The following CCDC3 variants were observed in gnomAD, a reference collection of about 807,000 sequenced individuals.
CCDC3 encodes the protein coiled-coil domain-containing protein 3.
CCDC3 carries 24 observed loss-of-function variants against 21.4 expected under a neutral mutation model. The observed-to-expected ratio is 1.12, with a 90% CI of 0.81 to 1.58. CCDC3 has a LOEUF of 1.58. Among genes scored for constraint, CCDC3 ranks in the 40% most tolerant of loss-of-function variants. CCDC3 has a pLI of 0.00. For missense variants in CCDC3, 425 were observed against 360.9 expected (o/e 1.18, Z -1.44); for synonymous variants, 186 against 166.0 (o/e 1.12, Z -0.93).
chr10:13,036,952 T>C (rs758548877), intron 5 of CCDC3, among the ~76,000 whole-genome samples: 6 of 151,930 alleles, frequency 3.9e-5, no homozygotes, highest in Non-Finnish European at 8.8e-5. Flanking sequence ...GCTGATTTTC[T>C]TTGTTTATTT....
intron 5 of CCDC3, among the ~76,000 whole-genome samples, chr10:13,024,356 C>G (rs1398635170): frequency 1.3e-5 from 2 of 152,108 alleles, no homozygotes; most frequent in African/African-American, 4.8e-5. Context: ...CTCTGAAGAA[C>G]TGGTGTTTGC....
chr10:13,041,908 T>A (rs1029628734), intron 5 of CCDC3, among the ~76,000 whole-genome samples: 1 of 152,044 alleles, frequency 6.6e-6, no homozygotes, highest in Admixed American at 6.6e-5. Context: ...ATTACAGGTG[T>A]GAGCCACCGT....
At chr10:12,951,457 G>A (rs1835006837) in intron 2 of CCDC3, among the ~76,000 whole-genome samples, 1 of 152,232 alleles carries the variant, frequency 6.6e-6, no homozygotes, top group African/African-American at 2.4e-5. Flanking sequence ...TCCATCCGGG[G>A]GTCTCTACCA....
intron 5 of CCDC3, among the ~76,000 whole-genome samples, chr10:13,032,625 T>TA (rs1359515516): frequency 1.3e-5 from 2 of 152,222 alleles, no homozygotes; most frequent in Non-Finnish European, 2.9e-5. Flanking sequence ...CTTAAGCGGA[T>TA]AAGCAACTTC....
chr10:13,035,557 C>A (rs577877188), intron 5 of CCDC3, among the ~76,000 whole-genome samples: 167 of 152,290 alleles, frequency 1.1e-3, no homozygotes, highest in African/African-American at 3.8e-3. Flanking sequence ...TAGTTAAGGG[C>A]AAGCTCTGTA....
chr10:12,957,386 G>T (rs766952216), intron 2 of CCDC3, among the ~76,000 whole-genome samples: 68 of 152,186 alleles, frequency 4.5e-4, no homozygotes, highest in Non-Finnish European at 7.8e-4. Flanking sequence ...ACTCGTGTCT[G>T]ATTTTGTTTT....
At chr10:12,979,181 T>A (rs1217945488) in intron 2 of CCDC3, among the ~76,000 whole-genome samples, 1 of 152,112 alleles carries the variant, frequency 6.6e-6, no homozygotes, top group African/African-American at 2.4e-5. Context: ...ACCCTGACAA[T>A]GTCAATTACC....
intron 5 of CCDC3, among the ~76,000 whole-genome samples, chr10:13,046,361 G>C (rs191527411): frequency 6.6e-5 from 10 of 150,832 alleles, no homozygotes; most frequent in African/African-American, 1.5e-4. Flanking sequence ...AGCCGTGATC[G>C]CGTCACTTCA....
At chr10:12,995,795 C>A (rs773118491) in intron 2 of CCDC3, among the ~76,000 whole-genome samples, 1 of 152,170 alleles carries the variant, frequency 6.6e-6, no homozygotes, top group African/African-American at 2.4e-5. Flanking sequence ...AAAAGGAATT[C>A]TCCCCCAAGA....
chr10:13,044,611 C>T (rs183259041), intron 5 of CCDC3, among the ~76,000 whole-genome samples: 2 of 152,236 alleles, frequency 1.3e-5, no homozygotes, highest in Admixed American at 1.3e-4. Flanking sequence ...AGTCCTTTCC[C>T]CATTGCTTAT....
chr10:13,060,633 T>C (rs1836745583), intron 4 of CCDC3, among the ~76,000 whole-genome samples: 1 of 152,142 alleles, frequency 6.6e-6, no homozygotes, highest in Non-Finnish European at 1.5e-5. Context: ...GCCTCCCAAG[T>C]AGCTGGGACC....
At position 12,937,243 on chromosome 10, in the gene CCDC3, G is replaced by A. The variant is rs942945867; in HGVS notation, c.550-38564C>T. On this transcript the variant is annotated intron_variant, in intron 2 of 2. Transcript: ENST00000378825. ...GTAAGTTGTGACCCTGTATTTTCCC[G>A]TTTGACTGATCTAAGAGGAGCTTGT... Among the ~76,000 whole-genome samples the A allele has an allele frequency of 1.7e-4, 26 of 151,932 alleles. 1 individual carries two copies. The highest frequency in any genetic ancestry group is 5.8e-4 in the East Asian group (3 of 5,180).
chr10:13,034,517 C>G (rs1416639749), intron 5 of CCDC3, among the ~76,000 whole-genome samples: 1 of 115,512 alleles, frequency 8.7e-6, no homozygotes, highest in South Asian at 3.1e-4. Flanking sequence ...CCCCAAAAGC[C>G]TAGATCTTAA....
intron 3 of CCDC3, among the ~76,000 whole-genome samples, chr10:13,079,235 CG>C (rs554656544): frequency 3.9e-3 from 574 of 148,728 alleles, no homozygotes; most frequent in Non-Finnish European, 6.8e-3. Flanking sequence ...CATTCCCCTC[CG>C]GGGGTGGTCT....
intron 2 of CCDC3, among the ~76,000 whole-genome samples, chr10:12,990,213 C>T (rs531133324): frequency 1.0e-4 from 15 of 150,580 alleles, no homozygotes; most frequent in Non-Finnish European, 1.9e-4. Flanking sequence ...GCCAAGATAG[C>T]GCCACTACTG....
At chr10:12,939,279 A>G (rs970527943) in intron 2 of CCDC3, among the ~76,000 whole-genome samples, 1 of 152,190 alleles carries the variant, frequency 6.6e-6, no homozygotes, top group Non-Finnish European at 1.5e-5. Context: ...TGTCCAGTCC[A>G]TCAGACCTGA....
intron 3 of CCDC3, among the ~76,000 whole-genome samples, chr10:13,077,940 T>C (rs1186314159): frequency 1.3e-5 from 2 of 152,186 alleles, no homozygotes; most frequent in South Asian, 2.1e-4. Context: ...ATTCAGGACA[T>C]AGGCATGGGC....
intron 2 of CCDC3, among the ~76,000 whole-genome samples, chr10:12,900,630 G>T (rs2131193053): frequency 6.9e-6 from 1 of 145,804 alleles, no homozygotes; most frequent in African/African-American, 2.6e-5. Flanking sequence ...GGCGGAGCTT[G>T]CAGTGAGCCG....
intron 2 of CCDC3, among the ~76,000 whole-genome samples, chr10:12,982,743 A>T (rs1835519207): frequency 6.9e-6 from 1 of 145,332 alleles, no homozygotes; most frequent in Non-Finnish European, 1.5e-5. Context: ...GCAGTGACCA[A>T]GATTGCACCA....
Sources: allele counts gnomAD v4.1 joint callset (sites outside exome capture counted in the v4.1 genomes callset), GRCh38; gene constraint gnomAD v4.1.1; transcripts MANE v1.5; gene names NCBI Gene and HGNC (gene_info 2026-07-23, HGNC 2026-07-21).